Variants in CNTN1 observed in about 807,000 individuals in gnomAD.
CNTN1 encodes contactin 1.
A neutral mutation model predicts 126.4 loss-of-function variants in CNTN1; 38 were observed. The ratio of observed to expected loss-of-function variants is 0.30; its 90% CI spans 0.23 to 0.39. The LOEUF is 0.39. Ranked by LOEUF, CNTN1 falls within the 10% of genes least tolerant of loss-of-function variation. The probability of loss-of-function intolerance (pLI) is 1.00; values close to 1 mark genes in which losing one functional copy is unlikely to be tolerated. For synonymous variants in CNTN1, 413 were observed against 422.6 expected (o/e 0.98, Z 0.28); for missense variants, 1,009 against 1,248.4 (o/e 0.81, Z 2.89).
At chr12:41,027,732 A>G in intron 21 of CNTN1, 125 bp from the exon 22 acceptor site, 1 of 720,900 alleles carries the variant, frequency 1.4e-6, no homozygotes, top group Non-Finnish European at 2.5e-6. Context: ...GGCATATAGT[A>G]AACACTTATT....
At chr12:40,809,370 T>A (rs1411905633) in intron 1 of CNTN1, among the ~76,000 whole-genome samples, 1 of 152,168 alleles carries the variant, frequency 6.6e-6, no homozygotes, top group Non-Finnish European at 1.5e-5. Context: ...TGCTGGTACA[T>A]TAATATCCTT....
intron 1 of CNTN1, among the ~76,000 whole-genome samples, chr12:40,755,187 C>T (rs1299040098): frequency 1.7e-5 from 1 of 60,518 alleles, no homozygotes; most frequent in African/African-American, 7.9e-5. Context: ...TGAGACCCCA[C>T]CTCAAAAAAA....
intron 1 of CNTN1, among the ~76,000 whole-genome samples, chr12:40,802,865 T>C (rs980376783): frequency 1.3e-5 from 2 of 152,060 alleles, no homozygotes; most frequent in Non-Finnish European, 2.9e-5. Flanking sequence ...CCAGAAACTG[T>C]TGCCATGAAC....
At chr12:41,057,782 T>G (rs2121082606) in intron 23 of CNTN1, among the ~76,000 whole-genome samples, 1 of 151,986 alleles carries the variant, frequency 6.6e-6, no homozygotes, top group South Asian at 2.1e-4. Flanking sequence ...TATTTTTATA[T>G]TTTGCTTTTC....
At chr12:41,067,471 G>A (rs1349466274) in intron 23 of CNTN1, among the ~76,000 whole-genome samples, 2 of 151,836 alleles carry the variant, frequency 1.3e-5, no homozygotes, top group African/African-American at 4.8e-5. Context: ...GTCATCCTCA[G>A]ACAAAAAAGG....
chr12:41,034,781 C>A (rs1390243795), intron 23 of CNTN1, among the ~76,000 whole-genome samples: 2 of 152,178 alleles, frequency 1.3e-5, no homozygotes, highest in Admixed American at 1.3e-4. Flanking sequence ...CTTGCCTAAC[C>A]ACATAAATGT....
At chr12:40,909,732 C>T (rs894189807) in intron 2 of CNTN1, among the ~76,000 whole-genome samples, 19 of 151,114 alleles carry the variant, frequency 1.3e-4, no homozygotes, top group Non-Finnish European at 8.9e-5. Flanking sequence ...GATGTAATTA[C>T]ATGCATAATA....
rs531592184 is a variant in CNTN1 at position 40,948,587 on chromosome 12, T to C, written c.1683+4417T>C. Among the ~76,000 whole-genome samples, 6 of 152,276 alleles carry C rather than the reference T, an allele frequency of 3.9e-5. No individual in the cohort carries two copies. In the South Asian group the frequency reaches 8.3e-4, roughly 21 times the overall value. On this transcript the variant is annotated intron_variant, in intron 14 of 23. Transcript: ENST00000551295. ...TTGAGTAACTGGTCCCATGTAATCA[T>C]ACAAGTCGCTAGAGGCTAACAGAAG...
intron 1 of CNTN1, among the ~76,000 whole-genome samples, chr12:40,797,589 A>G (rs1940487643): frequency 6.6e-6 from 1 of 152,182 alleles, no homozygotes; most frequent in South Asian, 2.1e-4. Flanking sequence ...TATAATAAGA[A>G]AACATCAAAC....
chr12:40,933,940 T>C, intron 9 of CNTN1, 62 bp downstream of exon 9: 6 of 1,320,460 alleles, frequency 4.5e-6, no homozygotes, highest in Non-Finnish European at 5.4e-6. Context: ...GCCATTTCCA[T>C]ACATGAAAAA....
chr12:40,758,394 C>T (rs1342957758), intron 1 of CNTN1, among the ~76,000 whole-genome samples: 12 of 151,556 alleles, frequency 7.9e-5, no homozygotes, highest in Non-Finnish European at 1.5e-4. Flanking sequence ...AGTTACTGAA[C>T]ACCTACCAAC....
intron 1 of CNTN1, among the ~76,000 whole-genome samples, chr12:40,850,338 C>G (rs1942672723): frequency 6.6e-6 from 1 of 151,970 alleles, no homozygotes; most frequent in African/African-American, 2.4e-5. Flanking sequence ...TTTTCTTTCT[C>G]TTGATTTTTC....
intron 18 of CNTN1, among the ~76,000 whole-genome samples, chr12:41,015,721 A>T (rs1156855773): frequency 1.5e-5 from 2 of 132,426 alleles, no homozygotes; most frequent in South Asian, 2.3e-4. Flanking sequence ...ATTTTCTGGT[A>T]AAAAAAAAAA....
intron 16 of CNTN1, among the ~76,000 whole-genome samples, chr12:40,983,914 T>A (rs1001567925): frequency 2.9e-4 from 17 of 59,414 alleles, no homozygotes; most frequent in South Asian, 9.2e-4. Flanking sequence ...TATATGCTAT[T>A]ATAGCATATT....
intron 1 of CNTN1, chr12:40,828,240 A>T (rs1252434424): frequency 2.0e-5 from 3 of 152,212 alleles, no homozygotes; most frequent in African/African-American, 7.2e-5. Context: ...TGCTGTATTT[A>T]TTCAAATGGA....
chr12:40,916,401 C>T (rs1019731743), intron 3 of CNTN1, among the ~76,000 whole-genome samples: 3 of 151,916 alleles, frequency 2.0e-5, no homozygotes, highest in South Asian at 2.1e-4. Context: ...AGAAAAATAG[C>T]GTATGATTTT....
intron 1 of CNTN1, among the ~76,000 whole-genome samples, chr12:40,838,074 C>T (rs571421631): frequency 6.6e-6 from 1 of 152,336 alleles, no homozygotes; most frequent in African/African-American, 2.4e-5. Flanking sequence ...TGCTTGCTTT[C>T]CCCACTCGGG....
chr12:41,006,248 T>C (rs767338365), intron 17 of CNTN1, among the ~76,000 whole-genome samples: 5 of 152,324 alleles, frequency 3.3e-5, no homozygotes, highest in Admixed American at 6.5e-5. Context: ...AGGCCCTGAC[T>C]TTGTCCTCTG....
intron 1 of CNTN1, among the ~76,000 whole-genome samples, chr12:40,787,099 A>G (rs964078146): frequency 2.0e-5 from 3 of 152,156 alleles, no homozygotes; most frequent in African/African-American, 7.2e-5. Flanking sequence ...ATATCAAGTT[A>G]TTTATTTATA....
Sources: gnomAD v4.1 joint callset for allele counts (sites outside exome capture counted in the v4.1 genomes callset) on GRCh38, gnomAD v4.1.1 for gene constraint, MANE v1.5 for transcripts, NCBI Gene and HGNC (gene_info 2026-07-23, HGNC 2026-07-21) for gene names.